The following ENPP6 variants were observed in gnomAD, a reference collection of about 807,000 sequenced individuals.
The protein encoded by ENPP6 is glycerophosphocholine cholinephosphodiesterase ENPP6.
In ENPP6, 32 loss-of-function variants were observed where a neutral mutation model predicts 42.0. The ratio of observed to expected loss-of-function variants is 0.76; its 90% CI spans 0.58 to 1.02. The LOEUF is 1.02. Among genes scored for constraint, ENPP6 ranks in the 50% least tolerant of loss-of-function variants. ENPP6 has a pLI of 0.00. For missense variants in ENPP6, 552 were observed against 566.8 expected (o/e 0.97, Z 0.27); for synonymous variants, 213 against 216.0 (o/e 0.99, Z 0.12).
chr4:184,205,473 A>C (rs1732979796), intron 1 of ENPP6, among the ~76,000 whole-genome samples: 1 of 152,256 alleles, frequency 6.6e-6, no homozygotes, highest in African/African-American at 2.4e-5. Flanking sequence ...CCAGCGGGAC[A>C]CAAGCAAGCG....
In ENPP6 at chr4:184,116,939, A is replaced by G; in HGVS notation, c.772T>C (p.Tyr258His). 1.9e-6 allele frequency: 3 copies of G among 1,614,194 alleles called. No individual in the cohort carries two copies. The highest frequency in any genetic ancestry group is 2.5e-6 in the Non-Finnish European group (3 of 1,180,050). Residue 258 changes from tyrosine (Y) to histidine (H), a missense_variant, in exon 5 of 8, where the codon TAC becomes CAC. Around this residue, in one of 2 missense-constraint regions of ENPP6, gnomAD observed 545 missense variants for 546.3 expected, o/e 1.00. Transcript: ENST00000296741. Reference protein sequence around the residue: ...WMDKVIELNKYISLNDLQQVK... With the variant: ...WMDKVIELNKHISLNDLQQVK... ...TGCTGCAGGTCATTCAGGCTGATGT[A>G]CTTATTCAGCTCAATCACTTTGTCC... is the stretch of plus-strand genomic sequence containing the variant.
intron 1 of ENPP6, among the ~76,000 whole-genome samples, chr4:184,216,107 G>C (rs1049791252): frequency 6.6e-6 from 1 of 152,202 alleles, no homozygotes; most frequent in African/African-American, 2.4e-5. Flanking sequence ...CCCTGGCAAG[G>C]CTCTGAAAGA....
intron 2 of ENPP6, among the ~76,000 whole-genome samples, chr4:184,139,030 A>T (rs6816704): frequency 6.6e-6 from 1 of 152,104 alleles, no homozygotes. Flanking sequence ...TCCTGCAGAC[A>T]CCGTTCATTT....
At chr4:184,132,830 C>T (rs1560988121) in intron 2 of ENPP6, among the ~76,000 whole-genome samples, 19 of 128,518 alleles carry the variant, frequency 1.5e-4, no homozygotes, top group Middle Eastern at 4.1e-3. Flanking sequence ...CACACACACA[C>T]ACACATATAT....
chr4:184,115,201 AG>A (rs1736292735), intron 5 of ENPP6, among the ~76,000 whole-genome samples: 1 of 152,196 alleles, frequency 6.6e-6, no homozygotes, highest in South Asian at 2.1e-4. Context: ...GAGAGAAAGC[AG>A]GCTGGCCAGG....
At chr4:184,204,372 G>C (rs975894945) in intron 1 of ENPP6, among the ~76,000 whole-genome samples, 1 of 152,204 alleles carries the variant, frequency 6.6e-6, no homozygotes, top group Non-Finnish European at 1.5e-5. Context: ...GCCTGGGACA[G>C]AGGCTGAAAA....
At chr4:184,113,259 A>G (rs1579614840) in intron 5 of ENPP6, among the ~76,000 whole-genome samples, 1 of 152,358 alleles carries the variant, frequency 6.6e-6, no homozygotes, top group Non-Finnish European at 1.5e-5. Flanking sequence ...TAGTGGGGGG[A>G]AAAGCAAGTT....
chr4:184,092,190 C>T (rs184016260), intron 7 of ENPP6, among the ~76,000 whole-genome samples: 2 of 152,128 alleles, frequency 1.3e-5, no homozygotes, highest in Admixed American at 6.5e-5. Context: ...TTTGCTGCCC[C>T]ATCGAGGTCA....
Position 184,198,742 on chromosome 4 carries a change from G to T in ENPP6, c.241+18837C>A, listed in dbSNP as rs73872814. 8.0e-3 allele frequency among the ~76,000 whole-genome samples: 1,215 copies of T among 152,334 alleles called. 17 individuals are homozygous for T. Among genetic ancestry groups the T allele is most frequent in the African/African-American group, 0.028 (1,162 of 41,560 alleles). On this transcript the variant is annotated intron_variant, in intron 1 of 7. Coordinates refer to ENST00000296741, the MANE Select transcript of ENPP6 (RefSeq NM_153343.4). ...AATGTCTGCTTGTTCTACTAGAGTT[G>T]AGCAAGTCTCATTAGATCTGATACA...
intron 1 of ENPP6, among the ~76,000 whole-genome samples, chr4:184,168,069 T>C (rs1737386914): frequency 6.6e-6 from 1 of 152,118 alleles, no homozygotes; most frequent in South Asian, 2.1e-4. Flanking sequence ...TGGCAGGAAC[T>C]GAGGACCTGT....
At chr4:184,122,437 C>CCACCACCAG (rs1736433541) in intron 3 of ENPP6, among the ~76,000 whole-genome samples, 1 of 150,556 alleles carries the variant, frequency 6.6e-6, no homozygotes, top group Non-Finnish European at 1.5e-5. Context: ...ACCACCACCA[C>CCACCACCAG]CAGAACCTTC....
chr4:184,194,025 C>T (rs1291615295), intron 1 of ENPP6, among the ~76,000 whole-genome samples: 2 of 152,154 alleles, frequency 1.3e-5, no homozygotes, highest in African/African-American at 2.4e-5. Flanking sequence ...CCTGATAGCT[C>T]TTTGCCTCTT....
At chr4:184,097,196 A>G in intron 7 of ENPP6, 49 bp downstream of exon 7, 1 of 1,610,772 alleles carries the variant, frequency 6.2e-7, no homozygotes. Context: ...CCTTACAGAC[A>G]CTTCCTTGGG....
At chr4:184,208,448 T>C (rs1443610611) in intron 1 of ENPP6, among the ~76,000 whole-genome samples, 1 of 151,662 alleles carries the variant, frequency 6.6e-6, no homozygotes, top group Non-Finnish European at 1.5e-5. Context: ...GGTCAGGGAG[T>C]TCCCTTTCCG....
intron 1 of ENPP6, among the ~76,000 whole-genome samples, chr4:184,192,027 CTT>C (rs1732718340): frequency 1.3e-5 from 2 of 152,194 alleles, no homozygotes; most frequent in Non-Finnish European, 2.9e-5. Context: ...GATCAGAAGA[CTT>C]AGTATTGTTA....
At chr4:184,128,273 C>T (rs934785349) in intron 2 of ENPP6, among the ~76,000 whole-genome samples, 3 of 152,294 alleles carry the variant, frequency 2.0e-5, no homozygotes, top group African/African-American at 4.8e-5. Context: ...TTCCACCTCC[C>T]GGGTTCAAGC....
At chr4:184,200,808 G>T (rs1213293310) in intron 1 of ENPP6, among the ~76,000 whole-genome samples, 2 of 152,202 alleles carry the variant, frequency 1.3e-5, no homozygotes, top group African/African-American at 2.4e-5. Context: ...GGCACACCTG[G>T]AGCCCACTCC....
At chr4:184,133,592 C>T (rs958676760) in intron 2 of ENPP6, among the ~76,000 whole-genome samples, 1 of 152,070 alleles carries the variant, frequency 6.6e-6, no homozygotes, top group Non-Finnish European at 1.5e-5. Context: ...TCTTCCCCTG[C>T]TCCCCCGAAG....
At chr4:184,168,642 C>G (rs924845822) in intron 1 of ENPP6, among the ~76,000 whole-genome samples, 1 of 152,214 alleles carries the variant, frequency 6.6e-6, no homozygotes, top group South Asian at 2.1e-4. Context: ...CAGCCGTCCC[C>G]GTAGTCCGCC....
Sources: allele counts gnomAD v4.1 joint callset (sites outside exome capture counted in the v4.1 genomes callset), GRCh38; gene constraint gnomAD v4.1.1; regional missense constraint gnomAD v4.1.1; transcripts MANE v1.5; gene names NCBI Gene and HGNC (gene_info 2026-07-23, HGNC 2026-07-21).